Variants in CNTNAP2 observed in about 807,000 individuals in gnomAD.
CNTNAP2 encodes the protein contactin-associated protein-like 2.
Under a neutral mutation model 155.2 loss-of-function variants are expected in CNTNAP2, and 98 were observed. The ratio of observed to expected loss-of-function variants is 0.63; its 90% CI spans 0.54 to 0.75. CNTNAP2 has a LOEUF of 0.75. Ranked by LOEUF, CNTNAP2 falls within the 30% of genes least tolerant of loss-of-function variation. The probability of loss-of-function intolerance (pLI) is 0.00; values close to 1 mark genes in which losing one functional copy is unlikely to be tolerated. For synonymous variants in CNTNAP2, 651 were observed against 631.2 expected (o/e 1.03, Z -0.47); for missense variants, 1,727 against 1,688.1 (o/e 1.02, Z -0.40).
chr7:148,095,922 GAA>G (rs1297409677), intron 15 of CNTNAP2, among the ~76,000 whole-genome samples: 2 of 152,142 alleles, frequency 1.3e-5, no homozygotes, highest in African/African-American at 4.8e-5. Flanking sequence ...TAGAGCAGGA[GAA>G]AAGTTTCCCA....
chr7:147,665,442 A>C (rs571590235), intron 13 of CNTNAP2, among the ~76,000 whole-genome samples: 23 of 152,262 alleles, frequency 1.5e-4, no homozygotes, highest in African/African-American at 5.5e-4. Context: ...TCTTGTGGTG[A>C]ATATATATTC....
intron 21 of CNTNAP2, among the ~76,000 whole-genome samples, chr7:148,313,143 C>T (rs1797624724): frequency 6.6e-6 from 1 of 151,356 alleles, no homozygotes; most frequent in Non-Finnish European, 1.5e-5. Flanking sequence ...CATCAATACC[C>T]ACAACAGTTA....
chr7:146,188,553 A>G (rs1462342792), intron 1 of CNTNAP2, among the ~76,000 whole-genome samples: 1 of 152,190 alleles, frequency 6.6e-6, no homozygotes, highest in African/African-American at 2.4e-5. Context: ...TGGCTTAGAC[A>G]GGTTAATTTG....
intron 1 of CNTNAP2, among the ~76,000 whole-genome samples, chr7:146,459,021 A>G (rs139371419): frequency 6.6e-6 from 1 of 152,136 alleles, no homozygotes; most frequent in African/African-American, 2.4e-5. Flanking sequence ...ATACTCTTGC[A>G]TATCAAAAAC....
At chr7:147,788,612 G>C (rs376048933) in intron 13 of CNTNAP2, among the ~76,000 whole-genome samples, 17 of 152,150 alleles carry the variant, frequency 1.1e-4, no homozygotes, top group East Asian at 7.7e-4. Context: ...ATATGCAAAT[G>C]ACATCAAAAT....
In CNTNAP2 at chr7:148,158,222, C is replaced by CTTTTTTTTTTTTTTTT. The variant is rs1224617335; in HGVS notation, c.2773+10517_2773+10532dup. ...AGTGATGATAGGTACAATGTTTGCG[C>CTTTTTTTTTTTTTTTT]TTTTTTTTTTTTTTTTTTTGAGACA... is the stretch of plus-strand genomic sequence containing the variant. On this transcript the variant is annotated intron_variant, in intron 17 of 23. Coordinates refer to ENST00000361727, the MANE Select transcript of CNTNAP2 (RefSeq NM_014141.6). Among the ~76,000 whole-genome samples the CTTTTTTTTTTTTTTTT allele has an allele frequency of 6.0e-4, 57 of 94,758 alleles. 10 individuals carry two copies. Among genetic ancestry groups the CTTTTTTTTTTTTTTTT allele is most frequent in the African/African-American group, 1.7e-3 (35 of 20,122 alleles). The allele number at this position is 94,758 out of a possible 152,430, so 62.2% of individuals were successfully genotyped here. A position where few individuals can be genotyped will look rare whatever the true frequency, so the allele number is the denominator to read the frequency against.
intron 10 of CNTNAP2, 63 bp from the exon 11 acceptor site, chr7:147,485,872 T>C (rs1798500263): frequency 3.3e-6 from 5 of 1,512,616 alleles, no homozygotes; most frequent in Non-Finnish European, 4.6e-6. Context: ...CAGCTTGGAA[T>C]TTGGCCACTC....
chr7:146,843,569 A>G (rs1362741421), intron 3 of CNTNAP2, among the ~76,000 whole-genome samples: 2 of 149,050 alleles, frequency 1.3e-5, no homozygotes, highest in African/African-American at 4.9e-5. Context: ...ATAATCTGTG[A>G]CAGAAATGTT....
intron 1 of CNTNAP2, among the ~76,000 whole-genome samples, chr7:146,696,637 T>C (rs1431940881): frequency 1.3e-5 from 2 of 152,148 alleles, no homozygotes; most frequent in Non-Finnish European, 2.9e-5. Flanking sequence ...AGATCTTTCT[T>C]TTCTAATACA....
intron 1 of CNTNAP2, among the ~76,000 whole-genome samples, chr7:146,316,474 T>C (rs1297123922): frequency 3.3e-5 from 5 of 152,110 alleles, no homozygotes; most frequent in Admixed American, 3.3e-4. Context: ...AAGAGTCATA[T>C]TGGTTATTTA....
At chr7:148,106,511 TATATATATAC>T (rs1306958339) in intron 15 of CNTNAP2, among the ~76,000 whole-genome samples, 3 of 146,884 alleles carry the variant, frequency 2.0e-5, no homozygotes, top group Admixed American at 6.8e-5. Flanking sequence ...TATATATATA[TATATATATAC>T]ATATTTTTTT....
Position 146,959,086 on chromosome 7 carries a change from C to T in CNTNAP2, c.403-84821C>T, listed in dbSNP as rs1456499489. Among the ~76,000 whole-genome samples the T allele has an allele frequency of 2.6e-5, 4 of 152,032 alleles. No individual in the cohort carries two copies. The East Asian group carries it at 7.8e-4, about 30-fold the overall frequency. On this transcript the variant is annotated intron_variant, in intron 3 of 23. Transcript: ENST00000361727. Reference sequence around the variant, plus strand: ...CCAGGCTGGAGTGCAGTGGCGCCATCTCGGCTCACTGCAACCTCCGCCTTC... The same window carrying T: ...CCAGGCTGGAGTGCAGTGGCGCCATTTCGGCTCACTGCAACCTCCGCCTTC...
At chr7:146,641,988 C>T (rs935057084) in intron 1 of CNTNAP2, among the ~76,000 whole-genome samples, 2 of 151,840 alleles carry the variant, frequency 1.3e-5, no homozygotes, top group African/African-American at 4.8e-5. Flanking sequence ...AAGAAAAGAA[C>T]ATGAAACAAA....
chr7:147,798,670 G>A (rs1797939644), intron 13 of CNTNAP2, among the ~76,000 whole-genome samples: 1 of 152,140 alleles, frequency 6.6e-6, no homozygotes, highest in Non-Finnish European at 1.5e-5. Context: ...CATTTTATTG[G>A]CTAGAATTGG....
chr7:147,262,160 G>A (rs979166949), intron 8 of CNTNAP2, among the ~76,000 whole-genome samples: 2 of 152,116 alleles, frequency 1.3e-5, no homozygotes, highest in African/African-American at 4.8e-5. Context: ...AGTTCAAGAA[G>A]GGCAGTGGAA....
chr7:146,846,409 A>G (rs2129202007), intron 3 of CNTNAP2, among the ~76,000 whole-genome samples: 1 of 152,346 alleles, frequency 6.6e-6, no homozygotes, highest in East Asian at 1.9e-4. Context: ...GTATAGAAAA[A>G]AAAACAATTT....
chr7:148,222,877 C>A (rs1417506631), intron 19 of CNTNAP2, among the ~76,000 whole-genome samples: 1 of 152,180 alleles, frequency 6.6e-6, no homozygotes, highest in Admixed American at 6.5e-5. Context: ...GGTTTGAGGT[C>A]GGCTTTGCCT....
chr7:146,718,258 A>G (rs972422439), intron 1 of CNTNAP2, among the ~76,000 whole-genome samples: 2 of 152,200 alleles, frequency 1.3e-5, no homozygotes, highest in Non-Finnish European at 2.9e-5. Flanking sequence ...TGTAAGATTA[A>G]TTGTCTACTA....
intron 13 of CNTNAP2, among the ~76,000 whole-genome samples, chr7:147,712,399 T>C (rs552032738): frequency 6.6e-6 from 1 of 152,292 alleles, no homozygotes; most frequent in Non-Finnish European, 1.5e-5. Flanking sequence ...TGACTGGACA[T>C]ATACCGAAAG....
Sources: allele counts gnomAD v4.1 joint callset (sites outside exome capture counted in the v4.1 genomes callset), GRCh38; gene constraint gnomAD v4.1.1; transcripts MANE v1.5; gene names NCBI Gene and HGNC (gene_info 2026-07-23, HGNC 2026-07-21).